DIAPH2: variants seen among roughly 807,000 people sequenced by gnomAD.
The protein encoded by DIAPH2 is diaphanous related formin 2.
Under a neutral mutation model 92.7 loss-of-function variants are expected in DIAPH2, and 35 were observed. That is an observed-to-expected ratio of 0.38 (90% CI 0.29 to 0.50). The LOEUF is 0.50. DIAPH2 is among the 20% of genes least tolerant of loss of function. The pLI is 0.94. For synonymous variants in DIAPH2, 301 were observed against 280.4 expected, an observed-to-expected ratio of 1.07 and a Z score of -0.73; for missense variants, 701 against 819.5, an observed-to-expected ratio of 0.86 and a Z score of 1.77.
intron 23 of DIAPH2, among the ~76,000 whole-genome samples, chrX:97,290,823 C>T (rs2068583028): frequency 8.9e-6 from 1 of 111,869 alleles, no homozygotes; most frequent in Non-Finnish European, 1.9e-5. Flanking sequence ...GCCTGTAATC[C>T]CAACACACTG....
intron 15 of DIAPH2, among the ~76,000 whole-genome samples, chrX:96,951,650 A>G (rs982303926): frequency 2.7e-5 from 3 of 111,600 alleles, no homozygotes; most frequent in African/African-American, 9.8e-5. Context: ...TGCCCAAAAT[A>G]ATGTCAAATA....
At chrX:97,193,710 A>G (rs1033798551) in intron 22 of DIAPH2, among the ~76,000 whole-genome samples, 1 of 112,026 alleles carries the variant, frequency 8.9e-6, no homozygotes, top group Admixed American at 9.5e-5. Context: ...ATTACATGTT[A>G]TATGCATTTA....
intron 17 of DIAPH2, among the ~76,000 whole-genome samples, chrX:97,023,470 T>G (rs1161630780): frequency 1.8e-5 from 2 of 111,644 alleles, no homozygotes; most frequent in African/African-American, 6.5e-5. Flanking sequence ...AACTAATATT[T>G]TCCTCATTTT....
At chrX:97,118,524 C>T (rs2067031763) in intron 21 of DIAPH2, among the ~76,000 whole-genome samples, 1 of 111,622 alleles carries the variant, frequency 9.0e-6, no homozygotes, top group African/African-American at 3.3e-5. Context: ...CAGCTCTAAA[C>T]AAATACAAAA....
intron 21 of DIAPH2, among the ~76,000 whole-genome samples, chrX:97,134,276 C>T (rs1401453536): frequency 3.6e-5 from 4 of 111,513 alleles, no homozygotes; most frequent in African/African-American, 9.8e-5. Flanking sequence ...TAATCAAGAA[C>T]ACTTAGAGCA....
Position 97,465,273 on chromosome X carries a change from C to CACACACA in DIAPH2, c.3241+35528_3241+35529insACACACA, listed in dbSNP as rs1569404531. Among the ~76,000 whole-genome samples the CACACACA allele has an allele frequency of 1.7e-3, 179 of 106,873 alleles. 1 individual carries two copies. The highest frequency in any genetic ancestry group is 5.9e-3 in the African/African-American group (173 of 29,473). The allele number at this position is 106,873 out of a possible 115,157, so 92.8% of individuals were successfully genotyped here. A position where few individuals can be genotyped will look rare whatever the true frequency, so the allele number is the denominator to read the frequency against. Reference sequence around the variant, plus strand: ...TATCCTGTCTTGCTTTAGAATTCACCCACACACACACACACACACACGTTT... The same window carrying CACACACA: ...TATCCTGTCTTGCTTTAGAATTCACCACACACACACACACACACACACACACACGTTT... On this transcript the variant is annotated intron_variant, in intron 26 of 26. Transcript: ENST00000324765.
chrX:96,778,205 C>T (rs983188996), intron 4 of DIAPH2, among the ~76,000 whole-genome samples: 16 of 109,077 alleles, frequency 1.5e-4, no homozygotes, highest in Non-Finnish European at 1.3e-4. Context: ...CTACAAAGGA[C>T]GTGAACTCAT....
chrX:96,999,726 T>C (rs189905545), intron 17 of DIAPH2, among the ~76,000 whole-genome samples: 1 of 111,110 alleles, frequency 9.0e-6, no homozygotes, highest in African/African-American at 3.3e-5. Context: ...TGAAATGCAA[T>C]TGATATAGTT....
At chrX:97,493,472 G>C (rs1458811483) in intron 26 of DIAPH2, among the ~76,000 whole-genome samples, 1 of 110,814 alleles carries the variant, frequency 9.0e-6, no homozygotes, top group African/African-American at 3.3e-5. Context: ...TGTTAGTCAG[G>C]CTGGTCTCAA....
intron 4 of DIAPH2, among the ~76,000 whole-genome samples, chrX:96,846,258 C>T (rs2064971415): frequency 9.1e-6 from 1 of 109,911 alleles, no homozygotes. Context: ...AACAATTCTC[C>T]TGCCTCAGCC....
At chrX:97,160,610 G>A (rs936185610) in intron 22 of DIAPH2, among the ~76,000 whole-genome samples, 2 of 111,356 alleles carry the variant, frequency 1.8e-5, no homozygotes, top group African/African-American at 3.3e-5. Flanking sequence ...CTACTGTCGT[G>A]GATTTCGAAA....
At chrX:96,732,708 GAAT>G in intron 1 of DIAPH2, among the ~76,000 whole-genome samples, 1 of 111,925 alleles carries the variant, frequency 8.9e-6, no homozygotes, top group East Asian at 2.8e-4. Flanking sequence ...AATTCTTTAA[GAAT>G]AAAACAAAGC....
intron 26 of DIAPH2, among the ~76,000 whole-genome samples, chrX:97,570,120 ATATT>A (rs1569426238): frequency 2.5e-3 from 54 of 21,821 alleles, no homozygotes; most frequent in African/African-American, 2.8e-3. Flanking sequence ...ATATATATAT[ATATT>A]AGAAGATAGA....
chrX:97,148,010 A>G (rs1431720155), intron 22 of DIAPH2, among the ~76,000 whole-genome samples: 1 of 111,276 alleles, frequency 9.0e-6, no homozygotes, highest in African/African-American at 3.3e-5. Flanking sequence ...GTTTGGGGGG[A>G]AGAAGAAAGA....
chrX:97,337,522 G>A (rs1372261241), intron 23 of DIAPH2, among the ~76,000 whole-genome samples: 4 of 111,191 alleles, frequency 3.6e-5, no homozygotes, highest in African/African-American at 6.5e-5. Context: ...GTGAAGAGGC[G>A]CCTTCCACCA....
intron 26 of DIAPH2, among the ~76,000 whole-genome samples, chrX:97,535,910 A>G (rs771055722): frequency 2.0e-4 from 23 of 112,556 alleles, no homozygotes; most frequent in African/African-American, 6.8e-4. Context: ...TTAAAAGACT[A>G]TGGTCCCAGT....
At chrX:96,698,895 A>AT (rs1305987976) in intron 1 of DIAPH2, among the ~76,000 whole-genome samples, 118 of 98,925 alleles carry the variant, frequency 1.2e-3, no homozygotes, top group East Asian at 1.9e-3. Flanking sequence ...GCCCCACTAA[A>AT]TTTTTTTTTT....
intron 4 of DIAPH2, among the ~76,000 whole-genome samples, chrX:96,774,924 C>T (rs2064365943): frequency 8.9e-6 from 1 of 112,311 alleles, no homozygotes; most frequent in African/African-American, 3.2e-5. Flanking sequence ...TCTACATATT[C>T]ACAATTCCTC....
intron 23 of DIAPH2, among the ~76,000 whole-genome samples, chrX:97,299,755 G>A (rs1783499692): frequency 1.8e-5 from 2 of 112,364 alleles, no homozygotes; most frequent in South Asian, 7.4e-4. Flanking sequence ...TACATTGGAT[G>A]AAATGTATAT....
Sources: allele counts gnomAD v4.1 joint callset (sites outside exome capture counted in the v4.1 genomes callset), GRCh38; gene constraint gnomAD v4.1.1; transcripts MANE v1.5; gene names NCBI Gene and HGNC (gene_info 2026-07-23, HGNC 2026-07-21).